The following SGCZ variants were observed in gnomAD, a reference collection of about 807,000 sequenced individuals.
The protein encoded by SGCZ is zeta-sarcoglycan.
In SGCZ, 40 loss-of-function variants were observed where a neutral mutation model predicts 41.3. That is an observed-to-expected ratio of 0.97 (90% CI 0.75 to 1.26). The LOEUF (loss-of-function observed/expected upper bound fraction) is 1.26, where lower values mean the gene tolerates loss of function less well. SGCZ is among the 50% of genes most tolerant of loss of function. SGCZ has a pLI of 0.00. For missense variants in SGCZ, 552 were observed against 369.8 expected (o/e 1.49, Z -4.04); for synonymous variants, 206 against 137.5 (o/e 1.50, Z -3.49).
intron 3 of SGCZ, among the ~76,000 whole-genome samples, chr8:14,255,263 T>C (rs552223562): frequency 6.6e-6 from 1 of 152,286 alleles, no homozygotes; most frequent in Non-Finnish European, 1.5e-5. Flanking sequence ...ATATAGATAA[T>C]TTCCTGATAC....
chr8:14,162,830 A>C (rs1418072602), intron 5 of SGCZ, among the ~76,000 whole-genome samples: 2 of 152,090 alleles, frequency 1.3e-5, no homozygotes, highest in African/African-American at 4.8e-5. Flanking sequence ...CCCATTCAAT[A>C]ATCCCTGTTG....
chr8:14,623,716 G>C (rs554853887), intron 1 of SGCZ, among the ~76,000 whole-genome samples: 26 of 152,258 alleles, frequency 1.7e-4, no homozygotes, highest in African/African-American at 6.3e-4. Flanking sequence ...GAAGCTGCTT[G>C]TCTTTCATGC....
At chr8:14,537,427 C>A (rs1318886139) in intron 2 of SGCZ, among the ~76,000 whole-genome samples, 1 of 151,840 alleles carries the variant, frequency 6.6e-6, no homozygotes, top group Non-Finnish European at 1.5e-5. Flanking sequence ...CCAAACAAGA[C>A]AGAGAAAAAT....
intron 1 of SGCZ, among the ~76,000 whole-genome samples, chr8:15,022,094 T>C (rs766968190): frequency 4.6e-5 from 7 of 152,222 alleles, no homozygotes; most frequent in Non-Finnish European, 1.0e-4. Context: ...CACAAAACCG[T>C]TAAGGTGACC....
At chr8:14,852,679 T>C (rs1769385124) in intron 1 of SGCZ, among the ~76,000 whole-genome samples, 1 of 152,208 alleles carries the variant, frequency 6.6e-6, no homozygotes, top group Admixed American at 6.5e-5. Flanking sequence ...TCCATTTTTG[T>C]TCATATTTAG....
chr8:15,046,650 GA>G (rs1470109395), intron 1 of SGCZ, among the ~76,000 whole-genome samples: 2 of 151,990 alleles, frequency 1.3e-5, no homozygotes, highest in Non-Finnish European at 2.9e-5. Flanking sequence ...CTGACATCCA[GA>G]AACTAAGATC....
At chr8:14,351,511 A>T (rs1320891878) in intron 2 of SGCZ, among the ~76,000 whole-genome samples, 1 of 151,630 alleles carries the variant, frequency 6.6e-6, no homozygotes, top group Non-Finnish European at 1.5e-5. Flanking sequence ...GTGTTTGAAT[A>T]CCTTTCTAGA....
chr8:14,207,602 T>G (rs1458840736), intron 4 of SGCZ, among the ~76,000 whole-genome samples: 1 of 152,200 alleles, frequency 6.6e-6, no homozygotes, highest in Non-Finnish European at 1.5e-5. Flanking sequence ...TAAGTTATAA[T>G]GAACACATTT....
Position 15,114,140 on chromosome 8 carries a change from A to G in SGCZ, c.39+123445T>C, listed in dbSNP as rs146057346. 1.8e-3 allele frequency among the ~76,000 whole-genome samples: 270 copies of G among 152,280 alleles called. 2 individuals carry two copies. Among genetic ancestry groups the G allele is most frequent in the Non-Finnish European group, 1.0e-3 (69 of 68,012 alleles). On this transcript the variant is annotated intron_variant, in intron 1 of 7. Coordinates refer to ENST00000382080, the MANE Select transcript of SGCZ (RefSeq NM_139167.4). ...TAACCCTCATCTAATCTGTCATTCT[A>G]ACTTGCATCCGAATATATTATTTCT...
At chr8:14,809,285 A>G (rs1332419545) in intron 1 of SGCZ, among the ~76,000 whole-genome samples, 1 of 152,160 alleles carries the variant, frequency 6.6e-6, no homozygotes, top group Non-Finnish European at 1.5e-5. Context: ...AACTGTTTCA[A>G]AGGAGAAATG....
intron 3 of SGCZ, among the ~76,000 whole-genome samples, chr8:14,238,135 C>CA (rs1806834649): frequency 1.3e-5 from 2 of 152,224 alleles, no homozygotes; most frequent in Non-Finnish European, 2.9e-5. Context: ...TTTCAATCCT[C>CA]AAACTCCCAA....
chr8:14,415,726 C>T (rs946290384), intron 2 of SGCZ, among the ~76,000 whole-genome samples: 8 of 151,838 alleles, frequency 5.3e-5, no homozygotes, highest in Non-Finnish European at 1.0e-4. Context: ...CAGTTGAGAA[C>T]ATATCTTGAA....
At chr8:14,877,207 C>G (rs1055455510) in intron 1 of SGCZ, among the ~76,000 whole-genome samples, 18 of 152,102 alleles carry the variant, frequency 1.2e-4, no homozygotes, top group African/African-American at 3.4e-4. Context: ...CTCCTGACAT[C>G]ATGATCCGCC....
chr8:14,885,985 TTATATATATATATATATATATA>T (rs71209089), intron 1 of SGCZ, among the ~76,000 whole-genome samples: 684 of 55,990 alleles, frequency 0.012, 22 homozygotes, highest in African/African-American at 0.037. Context: ...GGACTTTATG[TTATATATATATATATATATATA>T]TATATATATA....
intron 1 of SGCZ, among the ~76,000 whole-genome samples, chr8:14,898,223 T>A (rs73666927): frequency 0.027 from 4,141 of 152,178 alleles, 143 homozygotes; most frequent in African/African-American, 0.082. Flanking sequence ...GCATAGGAAC[T>A]ACAGGTGTGA....
At chr8:14,150,514 G>A (rs1803667525) in intron 5 of SGCZ, among the ~76,000 whole-genome samples, 1 of 152,092 alleles carries the variant, frequency 6.6e-6, no homozygotes, top group African/African-American at 2.4e-5. Flanking sequence ...CAAAGGACAG[G>A]CAATAATAAA....
At chr8:14,733,904 G>T (rs1001327312) in intron 1 of SGCZ, among the ~76,000 whole-genome samples, 1 of 152,136 alleles carries the variant, frequency 6.6e-6, no homozygotes, top group South Asian at 2.1e-4. Flanking sequence ...TTGCTCCTCT[G>T]AGTAGATACT....
chr8:14,558,186 A>C (rs1054816109), intron 1 of SGCZ, among the ~76,000 whole-genome samples: 2 of 152,134 alleles, frequency 1.3e-5, no homozygotes, highest in Non-Finnish European at 2.9e-5. Context: ...AATTACCAAC[A>C]AAAAGAGTCC....
intron 2 of SGCZ, among the ~76,000 whole-genome samples, chr8:14,550,721 A>G (rs185882999): frequency 1.3e-5 from 2 of 152,144 alleles, no homozygotes; most frequent in Admixed American, 1.3e-4. Context: ...TAACCTTGCC[A>G]TCAATTCTTC....
Sources: gnomAD v4.1 joint callset for allele counts (sites outside exome capture counted in the v4.1 genomes callset) on GRCh38, gnomAD v4.1.1 for gene constraint, MANE v1.5 for transcripts, NCBI Gene and HGNC (gene_info 2026-07-23, HGNC 2026-07-21) for gene names.